ARMC8: variants seen among roughly 807,000 people sequenced by gnomAD.
The protein encoded by ARMC8 is armadillo repeat-containing protein 8.
ARMC8 carries 20 observed loss-of-function variants against 99.3 expected under a neutral mutation model. The ratio of observed to expected loss-of-function variants is 0.20; its 90% CI spans 0.14 to 0.29. The LOEUF (loss-of-function observed/expected upper bound fraction) is 0.29, where lower values mean the gene tolerates loss of function less well. Among genes scored for constraint, ARMC8 ranks in the 10% least tolerant of loss-of-function variants. The pLI is 1.00. For missense variants in ARMC8, 569 were observed against 809.5 expected, an observed-to-expected ratio of 0.70 and a Z score of 3.60; for synonymous variants, 263 against 278.3, an observed-to-expected ratio of 0.95 and a Z score of 0.55.
At chr3:138,214,780 A>T (rs745728677) in intron 2 of ARMC8, among the ~76,000 whole-genome samples, 1 of 152,012 alleles carries the variant, frequency 6.6e-6, no homozygotes, top group Non-Finnish European at 1.5e-5. Flanking sequence ...CAGCTTCCTG[A>T]GTAGCTGGGA....
chr3:138,193,037 C>G (rs1248161049), intron 1 of ARMC8, among the ~76,000 whole-genome samples: 1 of 152,116 alleles, frequency 6.6e-6, no homozygotes, highest in Non-Finnish European at 1.5e-5. Context: ...GGCCTGGTCT[C>G]AACTTACTGC....
In ARMC8 at chr3:138,243,143, G is replaced by A. The variant is rs867682236; in HGVS notation, c.1038+1160G>A. ...ACCACCCCAGGAAGGCAAATAAAAT[G>A]TTTTGATGGCCATGAGAGTAAGGAA... On this transcript the variant is annotated intron_variant, in intron 11 of 21. Coordinates refer to ENST00000469044, the MANE Select transcript of ARMC8 (RefSeq NM_001363941.2). Among the ~76,000 whole-genome samples the A allele has an allele frequency of 2.6e-5, 4 of 152,204 alleles. No homozygotes were observed. The East Asian group carries it at 5.8e-4, about 22-fold the overall frequency.
rs147218250 is a variant in ARMC8 at position 138,284,652 on chromosome 3, T to A, written c.1821+126T>A. 10 of 684,288 alleles carry A rather than the reference T, an allele frequency of 1.5e-5. No individual in the cohort carries two copies. In the East Asian group the frequency reaches 2.6e-4, roughly 18 times the overall value. The allele number at this position is 684,288 out of a possible 1,614,324, so 42.4% of individuals were successfully genotyped here. On this transcript the variant is annotated intron_variant, in intron 19 of 21. Transcript: ENST00000469044. The stretch of plus-strand genomic sequence containing the variant: ...TAGATTACTCTGTGACTCCTCAGAT[T>A]CAAAGAACTCTCTTCCATCCTGAAG...
chr3:138,273,887 G>A lies in ARMC8; in HGVS notation c.1630-562G>A, dbSNP rs553531008. 4.0e-5 allele frequency among the ~76,000 whole-genome samples: 6 copies of A among 151,194 alleles called. No individual in the cohort carries two copies. The South Asian group carries it at 6.3e-4, about 16-fold the overall frequency. On this transcript the variant is annotated intron_variant, in intron 17 of 21. Transcript: ENST00000469044. ...GCTGGAGTGCAGTGGCACAGTCTCC[G>A]GTCATTGCAACCTCCACTTCCCGGG...
rs987528213 is a variant in ARMC8 at position 138,187,333 on chromosome 3, G to A, written c.-222G>A. 5 of 506,560 alleles carry A rather than the reference G, an allele frequency of 9.9e-6. No individual in the cohort carries two copies. Among genetic ancestry groups the A allele is most frequent in the Non-Finnish European group, 1.8e-5 (5 of 283,372 alleles). The allele number at this position is 506,560 out of a possible 1,614,324, so 31.4% of individuals were successfully genotyped here. Reference sequence around the variant, plus strand: ...CCTCTAACCCAGGCTCAGAGTAGCTGCTGTTTCTGAGAGAACGATTCGTAG... The same window carrying A: ...CCTCTAACCCAGGCTCAGAGTAGCTACTGTTTCTGAGAGAACGATTCGTAG... On this transcript the variant is annotated 5_prime_UTR_variant, in exon 1 of 22. Transcript: ENST00000469044.
chr3:138,248,457 T>C (rs1018403383), intron 12 of ARMC8, among the ~76,000 whole-genome samples: 3 of 152,200 alleles, frequency 2.0e-5, no homozygotes, highest in Non-Finnish European at 4.4e-5. Flanking sequence ...GCCTTTACCA[T>C]ATATTAATGC....
chr3:138,275,766 T>C (rs758063628), intron 18 of ARMC8, among the ~76,000 whole-genome samples: 12 of 152,170 alleles, frequency 7.9e-5, no homozygotes, highest in Non-Finnish European at 1.3e-4. Flanking sequence ...GGAGCTGCAA[T>C]TGAATTTGTG....
At position 138,256,860 on chromosome 3, in the gene ARMC8, G is replaced by A. The variant is rs190311911; in HGVS notation, c.1135-6879G>A. ...GTTCTTTTCCTCTTTCCCTGTTTTCGAAGTCAGATCTCAATTTAGTTAAGG... is the reference window on the plus strand; with the variant it reads ...GTTCTTTTCCTCTTTCCCTGTTTTCAAAGTCAGATCTCAATTTAGTTAAGG... On this transcript the variant is annotated intron_variant, in intron 12 of 21. Coordinates refer to ENST00000469044, the MANE Select transcript of ARMC8 (RefSeq NM_001363941.2). Among the ~76,000 whole-genome samples the A allele has an allele frequency of 1.2e-4, 18 of 152,008 alleles. No individual in the cohort carries two copies. The East Asian group carries it at 2.9e-3, about 25-fold the overall frequency.
chr3:138,238,908 G>A (rs1039998186), intron 9 of ARMC8: 35 of 152,278 alleles, frequency 2.3e-4, no homozygotes, highest in African/African-American at 8.2e-4. Flanking sequence ...TTATTCAAAG[G>A]CAGCTTATAA....
intron 1 of ARMC8, among the ~76,000 whole-genome samples, chr3:138,203,475 CTCATGTGGTTGTTGGCAGGTTTTAGT>C (rs1260155210): frequency 6.6e-6 from 1 of 152,198 alleles, no homozygotes; most frequent in Non-Finnish European, 1.5e-5. Flanking sequence ...TCTAAGCTCA[CTCATGTGGTTGTTGGCAGGTTTTAGT>C]TCCATGCCAT....
At chr3:138,294,199 G>T (rs1010231654) in intron 21 of ARMC8, among the ~76,000 whole-genome samples, 1 of 152,292 alleles carries the variant, frequency 6.6e-6, no homozygotes, top group Middle Eastern at 3.4e-3. Flanking sequence ...ATCACCTGAA[G>T]AATATATCTC....
intron 14 of ARMC8, among the ~76,000 whole-genome samples, chr3:138,266,323 T>C (rs910817890): frequency 1.3e-5 from 2 of 152,114 alleles, no homozygotes; most frequent in African/African-American, 4.8e-5. Flanking sequence ...CTTTCTATGC[T>C]TGGAACACAC....
At chr3:138,248,661 G>T (rs2046988143) in intron 12 of ARMC8, among the ~76,000 whole-genome samples, 1 of 152,178 alleles carries the variant, frequency 6.6e-6, no homozygotes, top group Non-Finnish European at 1.5e-5. Flanking sequence ...CTGTTATGAA[G>T]ACCATCACTT....
intron 21 of ARMC8, among the ~76,000 whole-genome samples, chr3:138,293,270 G>A (rs761600668): frequency 1.2e-4 from 19 of 152,156 alleles, no homozygotes; most frequent in African/African-American, 3.9e-4. Context: ...GGCTGGGCGC[G>A]GTGGCTCACG....
chr3:138,244,573 C>T (rs1013395201), intron 11 of ARMC8, among the ~76,000 whole-genome samples: 3 of 152,158 alleles, frequency 2.0e-5, no homozygotes, highest in Admixed American at 6.5e-5. Flanking sequence ...CCACCGCGCC[C>T]GGCCTCTAAA....
In ARMC8 at chr3:138,187,563, C is replaced by T. The variant is rs1248615137; in HGVS notation, c.9C>T (p.Cys3=). The T allele has an allele frequency of 2.0e-6, 3 of 1,535,904 alleles. No individual in the cohort carries two copies. In the African/African-American group the frequency reaches 4.1e-5, roughly 21 times the overall value. Residue 3 remains cysteine (C), a synonymous_variant, in exon 1 of 22, where the codon TGC becomes TGT. Transcript: ENST00000469044. ...GGGTGGGAAGGCTCAAGATGGCGTG[C>T]TTGTTGGAGACCCCAATCCGCATGA... is the stretch of plus-strand genomic sequence containing the variant. MA[C]LLETPIRMSV...
At chr3:138,196,726 G>A (rs1265269819) in intron 1 of ARMC8, among the ~76,000 whole-genome samples, 1 of 152,062 alleles carries the variant, frequency 6.6e-6, no homozygotes, top group African/African-American at 2.4e-5. Flanking sequence ...AATTAGCCAG[G>A]TGTGGTGGCG....
chr3:138,249,718 A>G (rs980568983), intron 12 of ARMC8, among the ~76,000 whole-genome samples: 2 of 152,168 alleles, frequency 1.3e-5, no homozygotes, highest in African/African-American at 4.8e-5. Flanking sequence ...CCTGCATTGT[A>G]TAATATTGCC....
chr3:138,251,905 G>T (rs1330184904), intron 12 of ARMC8, among the ~76,000 whole-genome samples: 4 of 152,174 alleles, frequency 2.6e-5, no homozygotes, highest in African/African-American at 7.2e-5. Context: ...TATACACCAA[G>T]AAATGGGCTA....
Sources: gnomAD v4.1 joint callset for allele counts (sites outside exome capture counted in the v4.1 genomes callset) on GRCh38, gnomAD v4.1.1 for gene constraint, MANE v1.5 for transcripts, NCBI Gene and HGNC (gene_info 2026-07-23, HGNC 2026-07-21) for gene names.